GSAP: variants seen among roughly 807,000 people sequenced by gnomAD.
GSAP encodes the protein gamma-secretase-activating protein.
In GSAP, 118 loss-of-function variants were observed where a neutral mutation model predicts 131.7. That is an observed-to-expected ratio of 0.90 (90% CI 0.77 to 1.04). GSAP has a LOEUF of 1.04. Ranked by LOEUF, GSAP falls within the 50% of genes least tolerant of loss-of-function variation. The pLI, the probability that GSAP is intolerant of heterozygous loss-of-function variation, is 0.00. For missense variants in GSAP, 1,019 were observed against 1,013.2 expected, an observed-to-expected ratio of 1.01 and a Z score of -0.08; for synonymous variants, 381 against 363.4, an observed-to-expected ratio of 1.05 and a Z score of -0.55.
chr7:77,390,946 TAAAA>T (rs71085453), intron 5 of GSAP, among the ~76,000 whole-genome samples: 609 of 37,522 alleles, frequency 0.016, 2 homozygotes, highest in East Asian at 0.026. Context: ...AGACTCCGTC[TAAAA>T]AAAAAAAAAA....
At chr7:77,395,326 A>AG (rs1268973999) in intron 5 of GSAP, among the ~76,000 whole-genome samples, 1 of 152,138 alleles carries the variant, frequency 6.6e-6, no homozygotes, top group Non-Finnish European at 1.5e-5. Flanking sequence ...GGAACACAGC[A>AG]GCTAGGCCTT....
At chr7:77,333,665 T>C (rs1789510982) in intron 19 of GSAP, among the ~76,000 whole-genome samples, 1 of 152,176 alleles carries the variant, frequency 6.6e-6, no homozygotes, top group Non-Finnish European at 1.5e-5. Context: ...AGACTTCTGA[T>C]TGTGTGGTTT....
At chr7:77,382,828 C>G (rs1245253070) in intron 6 of GSAP, among the ~76,000 whole-genome samples, 185 bp from the exon 7 acceptor site, 2 of 152,158 alleles carry the variant, frequency 1.3e-5, no homozygotes, top group African/African-American at 4.8e-5. Context: ...AGAACACTTT[C>G]AGAACCTCAG....
At position 77,390,946 on chromosome 7, in the gene GSAP, T is replaced by TAAAAAAAAAA. The variant is rs71085453; in HGVS notation, c.368-3508_368-3499dup. On this transcript the variant is annotated intron_variant, in intron 5 of 30. Transcript: ENST00000257626. ...CCTGGTGACAGAGCGAGACTCCGTC[T>TAAAAAAAAAA]AAAAAAAAAAAAAAAAAAAAAAAAA... Among the ~76,000 whole-genome samples the TAAAAAAAAAA allele has an allele frequency of 1.8e-4, 7 of 37,942 alleles. 2 individuals carry two copies. The highest frequency in any genetic ancestry group is 2.9e-4 in the African/African-American group (3 of 10,292). 24.9% of individuals were successfully genotyped at this position (37,942 alleles called of 152,430 possible).
At chr7:77,414,858 T>TTTTTTA (rs1804012683) in intron 1 of GSAP, among the ~76,000 whole-genome samples, 2 of 118,162 alleles carry the variant, frequency 1.7e-5, no homozygotes, top group Admixed American at 1.7e-4. Context: ...TTTTTTTTTT[T>TTTTTTA]TTTTTTTTTT....
At chr7:77,405,293 C>T (rs552133315) in intron 2 of GSAP, among the ~76,000 whole-genome samples, 25 of 152,044 alleles carry the variant, frequency 1.6e-4, no homozygotes, top group African/African-American at 6.1e-4. Flanking sequence ...GGGCAAGACT[C>T]TGTTTCTAAA....
chr7:77,369,902 G>T lies in GSAP; in HGVS notation c.871+4168C>A, dbSNP rs1057278205. On this transcript the variant is annotated intron_variant, in intron 12 of 30. Coordinates refer to ENST00000257626, the MANE Select transcript of GSAP (RefSeq NM_017439.4). ...TCTGGAAGCATCTCATTTGAAACACGTTTTTTTATTTTTTCAAAGCTGATT... is the reference window on the plus strand; with the variant it reads ...TCTGGAAGCATCTCATTTGAAACACTTTTTTTTATTTTTTCAAAGCTGATT... Among the ~76,000 whole-genome samples, 83 of 151,444 alleles carry T rather than the reference G, an allele frequency of 5.5e-4. 1 individual carries two copies. The East Asian group carries it at 0.016, about 29-fold the overall frequency.
At chr7:77,347,051 G>A (rs1792022428) in intron 19 of GSAP, among the ~76,000 whole-genome samples, 1 of 151,194 alleles carries the variant, frequency 6.6e-6, no homozygotes, top group Non-Finnish European at 1.5e-5. Context: ...AATCCCAGAA[G>A]ACTGGGTTGG....
At chr7:77,402,527 G>C (rs188277111) in intron 3 of GSAP, among the ~76,000 whole-genome samples, 1 of 142,974 alleles carries the variant, frequency 7.0e-6, no homozygotes, top group African/African-American at 2.5e-5. Context: ...CCCAGGAGGC[G>C]GAGGTTGCAG....
At chr7:77,337,301 T>TGGGGGGGGGGG (rs34134192) in intron 19 of GSAP, among the ~76,000 whole-genome samples, 5 of 65,676 alleles carry the variant, frequency 7.6e-5, no homozygotes, top group Non-Finnish European at 1.3e-4. Context: ...GGGGGTGGGG[T>TGGGGGGGGGGG]GGGGGGGGGG....
intron 26 of GSAP, chr7:77,316,191 A>G (rs938653450): frequency 1.3e-5 from 2 of 152,240 alleles, no homozygotes; most frequent in African/African-American, 4.8e-5. Context: ...CTGAACGTGG[A>G]TAAGAGGTAA....
chr7:77,318,751 A>C (rs1334005169), intron 26 of GSAP, among the ~76,000 whole-genome samples: 10 of 151,794 alleles, frequency 6.6e-5, no homozygotes, highest in Admixed American at 2.6e-4. Context: ...AAACTGAAAA[A>C]CCCCTAAAAG....
intron 28 of GSAP, 139 bp from the exon 29 acceptor site, chr7:77,312,341 T>C: frequency 1.8e-6 from 1 of 545,770 alleles, no homozygotes; most frequent in Non-Finnish European, 3.2e-6. Context: ...TAAGGACCCT[T>C]GGAGAAATGC....
At chr7:77,416,163 G>A (rs1804410865) in intron 1 of GSAP, 50 bp downstream of exon 1, 3 of 1,100,068 alleles carry the variant, frequency 2.7e-6, no homozygotes, top group Non-Finnish European at 3.7e-6. Flanking sequence ...GGGGGTATGA[G>A]GGACTCCCAC....
chr7:77,394,546 C>G (rs567695988), intron 5 of GSAP, among the ~76,000 whole-genome samples: 94 of 152,288 alleles, frequency 6.2e-4, no homozygotes, highest in African/African-American at 2.1e-3. Flanking sequence ...AAGATAAGAA[C>G]TTATCTCAGG....
chr7:77,365,361 C>T (rs1250558870), intron 12 of GSAP, among the ~76,000 whole-genome samples: 2 of 152,102 alleles, frequency 1.3e-5, no homozygotes, highest in Non-Finnish European at 2.9e-5. Flanking sequence ...TCAATAGTTA[C>T]TTTTTCTGCT....
intron 10 of GSAP, 29 bp from the exon 11 acceptor site, chr7:77,375,130 C>CA: frequency 7.1e-7 from 1 of 1,416,176 alleles, no homozygotes; most frequent in Non-Finnish European, 9.8e-7. Flanking sequence ...AAAATGAACC[C>CA]AAAATGACAG....
At chr7:77,402,767 C>T (rs1281283106) in intron 3 of GSAP, among the ~76,000 whole-genome samples, 1 of 150,360 alleles carries the variant, frequency 6.7e-6, no homozygotes, top group African/African-American at 2.4e-5. Flanking sequence ...TGTTTAGCGA[C>T]TACGGTTCAG....
At position 77,322,604 on chromosome 7, in the gene GSAP, T is replaced by TTA. The variant is rs1554375095; in HGVS notation, c.1923+1042_1923+1043insTA. On this transcript the variant is annotated intron_variant, in intron 24 of 30. Coordinates refer to ENST00000257626, the MANE Select transcript of GSAP (RefSeq NM_017439.4). ...TGAGTTTTTTTTTTTTTTTTTTTTTTAAAGCAAGTTAATGTCAACATGGGG... is the reference window on the plus strand; with the variant it reads ...TGAGTTTTTTTTTTTTTTTTTTTTTTTAAAAGCAAGTTAATGTCAACATGGGG... 8.1e-3 allele frequency among the ~76,000 whole-genome samples: 1,117 copies of TTA among 138,622 alleles called. 17 individuals are homozygous for TTA. Among genetic ancestry groups the TTA allele is most frequent in the African/African-American group, 0.025 (931 of 36,816 alleles). The allele number at this position is 138,622 out of a possible 152,430, so 90.9% of individuals were successfully genotyped here.
Sources: allele counts gnomAD v4.1 joint callset (sites outside exome capture counted in the v4.1 genomes callset), GRCh38; gene constraint gnomAD v4.1.1; transcripts MANE v1.5; gene names NCBI Gene and HGNC (gene_info 2026-07-23, HGNC 2026-07-21).